Variants in NCOA6 observed in about 807,000 individuals in gnomAD.
NCOA6 encodes NRC RAP250.
Under a neutral mutation model 171.4 loss-of-function variants are expected in NCOA6, and 49 were observed. The ratio of observed to expected loss-of-function variants is 0.29; its 90% CI spans 0.23 to 0.36. NCOA6 has a LOEUF of 0.36. Among genes scored for constraint, NCOA6 ranks in the 10% least tolerant of loss-of-function variants. NCOA6 has a pLI of 1.00. For missense variants in NCOA6, 2,248 were observed against 2,554.5 expected, an observed-to-expected ratio of 0.88 and a Z score of 2.59; for synonymous variants, 910 against 927.5, an observed-to-expected ratio of 0.98 and a Z score of 0.34.
At position 34,715,120 on chromosome 20, in the gene NCOA6, A is replaced by G; in HGVS notation, c.*202T>C. 1 of 567,306 alleles carries G rather than the reference A, an allele frequency of 1.8e-6. No homozygotes were observed. The highest frequency in any genetic ancestry group is 2.0e-5 in the South Asian group (1 of 49,076). 35.1% of individuals were successfully genotyped at this position (567,306 alleles called of 1,614,324 possible). ...CAAGACAACATTTTAGAAACCTTGA[A>G]CTTCAACTCGCAACACCAAAAGGGC... On this transcript the variant is annotated 3_prime_UTR_variant, in exon 15 of 15. Transcript: ENST00000359003.
chr20:34,791,754 A>G (rs898613678), intron 2 of NCOA6, among the ~76,000 whole-genome samples: 38 of 152,208 alleles, frequency 2.5e-4, no homozygotes, highest in African/African-American at 8.7e-4. Flanking sequence ...TAAGGATGTT[A>G]GGGCACCAAG....
At chr20:34,720,323 G>C (rs4487161) in intron 14 of NCOA6, among the ~76,000 whole-genome samples, 1 of 152,184 alleles carries the variant, frequency 6.6e-6, no homozygotes, top group Non-Finnish European at 1.5e-5. Flanking sequence ...ATTTGTGGTA[G>C]CTAATTTTTG....
intron 14 of NCOA6, among the ~76,000 whole-genome samples, chr20:34,726,355 C>T (rs1989950991): frequency 6.6e-6 from 1 of 151,950 alleles, no homozygotes; most frequent in African/African-American, 2.4e-5. Flanking sequence ...AGGTCAGGGT[C>T]TCTACCAAGA....
intron 4 of NCOA6, among the ~76,000 whole-genome samples, chr20:34,774,366 T>A (rs1281743359): frequency 6.6e-6 from 1 of 152,268 alleles, no homozygotes; most frequent in Non-Finnish European, 1.5e-5. Flanking sequence ...TGGATCCTTT[T>A]AGATAGTTCC....
intron 1 of NCOA6, among the ~76,000 whole-genome samples, chr20:34,811,202 T>TATATATAC (rs1491235332): frequency 1.2e-4 from 2 of 16,914 alleles, no homozygotes; most frequent in Non-Finnish European, 2.3e-4. Flanking sequence ...CAACAACGTG[T>TATATATAC]ATATATATAT....
chr20:34,742,782 C>T lies in NCOA6; in HGVS notation c.3474G>A (p.Gln1158=). 6.2e-7 allele frequency: 1 copy of T among 1,614,118 alleles called. No homozygotes were observed. Among genetic ancestry groups the T allele is most frequent in the Non-Finnish European group, 8.5e-7 (1 of 1,180,018 alleles). The change falls in exon 11 of 15, where the codon CAG becomes CAA. Residue 1158 remains glutamine, a synonymous_variant. Coordinates refer to ENST00000359003, the MANE Select transcript of NCOA6 (RefSeq NM_014071.5). The part of the protein sequence containing the change: ...NNMPSHVVLP[Q]NQLMMTGPKP... ...TTGGCCCTGTCATCATTAACTGATT[C>T]TGGGGAAGTACTACATGTGAAGGCA... is the stretch of plus-strand genomic sequence containing the variant.
At position 34,740,904 on chromosome 20, in the gene NCOA6, A is replaced by G. The variant is rs141284548; in HGVS notation, c.5352T>C (p.Leu1784=). 6.2e-7 allele frequency: 1 copy of G among 1,614,128 alleles called. No individual in the cohort carries two copies. The highest frequency in any genetic ancestry group is 1.3e-5 in the African/African-American group (1 of 75,008). The part of the protein sequence containing the change: ...QVNTSADQNT[L]PSSQSTTMVS... ...CCATTGTGGTTGACTGTGAAGAGGG[A>G]AGAGTGTTCTGATCTGCTGAGGTGT... The change falls in exon 11 of 15, where the codon CTT becomes CTC. Residue 1784 remains leucine, a synonymous_variant. Transcript: ENST00000359003.
intron 14 of NCOA6, among the ~76,000 whole-genome samples, chr20:34,718,225 G>A (rs1988848433): frequency 6.6e-6 from 1 of 152,142 alleles, no homozygotes; most frequent in Non-Finnish European, 1.5e-5. Context: ...AACTGAGTTT[G>A]AAGTCTCTAT....
At chr20:34,727,216 CCTCTATTT>C in intron 14 of NCOA6, 35 bp downstream of exon 14, 1 of 1,600,648 alleles carries the variant, frequency 6.2e-7, no homozygotes, top group Non-Finnish European at 8.5e-7. Flanking sequence ...GAACTCTATT[CCTCTATTT>C]GACCCACAAA....
At position 34,743,202 on chromosome 20, in the gene NCOA6, G is replaced by A. The variant is rs1191059174; in HGVS notation, c.3054C>T (p.Pro1018=). 1.2e-6 allele frequency: 2 copies of A among 1,613,984 alleles called. No individual in the cohort carries two copies. The highest frequency in any genetic ancestry group is 1.7e-5 in the Admixed American group (1 of 60,012). The part of the protein sequence containing the change: ...QLPQQQQPPP[P]SQPQSQQQQQ... ...GCTGCTGCTGAGACTGTGGCTGACT[G>A]GGAGGTGGTGGCTGCTGCTGCTGAG... is the stretch of plus-strand genomic sequence containing the variant. The change falls in exon 11 of 15, where the codon CCC becomes CCT. Residue 1018 remains proline, a synonymous_variant. Transcript: ENST00000359003.
intron 4 of NCOA6, among the ~76,000 whole-genome samples, chr20:34,768,828 T>C (rs764242932): frequency 3.3e-5 from 5 of 152,156 alleles, no homozygotes; most frequent in Admixed American, 1.3e-4. Context: ...TGACCATGAA[T>C]GATGCTTAGT....
At chr20:34,819,188 T>C (rs2078931568) in intron 1 of NCOA6, 1 of 152,220 alleles carries the variant, frequency 6.6e-6, no homozygotes, top group East Asian at 1.9e-4. Flanking sequence ...GGAGACAATA[T>C]TCAATACCTC....
chr20:34,777,732 T>C (rs1171682729), intron 3 of NCOA6, among the ~76,000 whole-genome samples: 8 of 152,088 alleles, frequency 5.3e-5, no homozygotes, highest in Non-Finnish European at 1.0e-4. Flanking sequence ...TACCACATGA[T>C]GCAGCAATTC....
intron 14 of NCOA6, among the ~76,000 whole-genome samples, chr20:34,717,774 TG>T (rs1192987033): frequency 6.6e-6 from 1 of 152,234 alleles, no homozygotes; most frequent in Non-Finnish European, 1.5e-5. Flanking sequence ...TTATTTTCAC[TG>T]CAGCAAATTT....
chr20:34,741,741 A>ACAG lies in NCOA6; in HGVS notation c.4514_4515insCTG (p.Ile1505_Lys1506insCys), dbSNP rs771007347. The ACAG allele has an allele frequency of 3.2e-5, 51 of 1,614,062 alleles. No homozygotes were observed. Among genetic ancestry groups the ACAG allele is most frequent in the Non-Finnish European group, 4.2e-5 (49 of 1,180,044 alleles). ...CCAGATCTGTAAGCCCAGGGGGTTTAATTGTCACATTGGGAGCTCCAGAGT... is the reference window on the plus strand; with the variant it reads ...CCAGATCTGTAAGCCCAGGGGGTTTACAGATTGTCACATTGGGAGCTCCAGAGT... On this transcript the variant is annotated inframe_insertion, in exon 11 of 15. Transcript: ENST00000359003.
At chr20:34,795,267 T>C (rs947831655) in intron 1 of NCOA6, among the ~76,000 whole-genome samples, 2 of 152,170 alleles carry the variant, frequency 1.3e-5, no homozygotes, top group Non-Finnish European at 2.9e-5. Flanking sequence ...ACTTCCGAAT[T>C]GCAAAGGGGA....
At position 34,740,896 on chromosome 20, in the gene NCOA6, G is replaced by A; in HGVS notation, c.5360C>T (p.Ser1787Leu). 1 of 1,614,234 alleles carries A rather than the reference G, an allele frequency of 6.2e-7. No individual in the cohort carries two copies. The highest frequency in any genetic ancestry group is 8.5e-7 in the Non-Finnish European group (1 of 1,180,042). ...TSADQNTLPSSQSTTMVSPLL... is the reference protein window; with the variant it reads ...TSADQNTLPSLQSTTMVSPLL... Reference sequence around the variant, plus strand: ...GGGAGAAACCATTGTGGTTGACTGTGAAGAGGGAAGAGTGTTCTGATCTGC... The same window carrying A: ...GGGAGAAACCATTGTGGTTGACTGTAAAGAGGGAAGAGTGTTCTGATCTGC... The change falls in exon 11 of 15, where the codon TCA (serine) becomes TTA (leucine). Residue 1787 changes from serine to leucine, a missense_variant. Transcript: ENST00000359003.
At chr20:34,720,763 A>AGTG (rs1989217872) in intron 14 of NCOA6, among the ~76,000 whole-genome samples, 1 of 152,186 alleles carries the variant, frequency 6.6e-6, no homozygotes, top group Non-Finnish European at 1.5e-5. Context: ...ATATGTCCCC[A>AGTG]CATTTGAGGT....
At chr20:34,751,376 CAAAAAA>C (rs35848122) in intron 8 of NCOA6, among the ~76,000 whole-genome samples, 7 of 68,286 alleles carry the variant, frequency 1.0e-4, no homozygotes, top group Non-Finnish European at 8.3e-5. Flanking sequence ...GACTCCGTCT[CAAAAAA>C]AAAAAAAAAA....
Sources: gnomAD v4.1 joint callset for allele counts (sites outside exome capture counted in the v4.1 genomes callset) on GRCh38, gnomAD v4.1.1 for gene constraint, MANE v1.5 for transcripts, NCBI Gene and HGNC (gene_info 2026-07-23, HGNC 2026-07-21) for gene names.